PCDHGB3: variants seen among roughly 807,000 people sequenced by gnomAD.
PCDHGB3 encodes protocadherin gamma subfamily B, 3, also known as protocadherin gamma-B3.
A neutral mutation model predicts 59.2 loss-of-function variants in PCDHGB3; 40 were observed. That is an observed-to-expected ratio of 0.68 (90% CI 0.52 to 0.88). PCDHGB3 has a LOEUF of 0.88. Among genes scored for constraint, PCDHGB3 ranks in the 40% least tolerant of loss-of-function variants. PCDHGB3 has a pLI of 0.00. For synonymous variants in PCDHGB3, 581 were observed against 503.6 expected (o/e 1.15, Z -2.06); for missense variants, 1,309 against 1,187.9 (o/e 1.10, Z -1.50).
intron 2 of PCDHGB3, among the ~76,000 whole-genome samples, chr5:141,503,780 T>G (rs779791247): frequency 7.2e-5 from 11 of 152,124 alleles, no homozygotes; most frequent in Non-Finnish European, 1.3e-4. Flanking sequence ...GTTCTTAGGC[T>G]GAGTTCATCT....
intron 1 of PCDHGB3, chr5:141,421,405 C>T (rs2096570069): frequency 6.2e-7 from 1 of 1,614,074 alleles, no homozygotes; most frequent in African/African-American, 1.3e-5. Context: ...GCCCCGGGAG[C>T]TGGCGAAGCG....
intron 1 of PCDHGB3, chr5:141,427,965 C>T: frequency 6.3e-7 from 1 of 1,590,342 alleles, no homozygotes; most frequent in Non-Finnish European, 8.6e-7. Flanking sequence ...GCCGCGGGTG[C>T]TGTACCCCGC....
In PCDHGB3 at chr5:141,477,928, C is replaced by T; in HGVS notation, c.2416-16879C>T. On this transcript the variant is annotated intron_variant, in intron 1 of 3. Coordinates refer to ENST00000576222, the MANE Select transcript of PCDHGB3 (RefSeq NM_018924.5). This position sits in a 1 kb window ranked among gnomAD's most constrained non-coding sequence, Gnocchi z 4.9. ...GGGACGCGGATGCAGGGCACAATGC[C>T]TGGCTCTCCTACAGTCTCTTGGGAT... The T allele has an allele frequency of 6.2e-7, 1 of 1,614,186 alleles. No individual in the cohort carries two copies.
Position 141,511,165 on chromosome 5 carries a change from A to G in PCDHGB3, c.2782A>G (p.Lys928Glu). 1 of 1,614,096 alleles carries G rather than the reference A, an allele frequency of 6.2e-7. No homozygotes were observed. Among genetic ancestry groups the G allele is most frequent in the East Asian group, 2.2e-5 (1 of 44,870 alleles). ...CAAGAAGAAGTCGGGCAAGAAGGAGAAGAAGTAACATGGAGGCCAGGCCAA... is the reference window on the plus strand; with the variant it reads ...CAAGAAGAAGTCGGGCAAGAAGGAGGAGAAGTAACATGGAGGCCAGGCCAA... ...GNKKKSGKKE[K>E]K Residue 928 changes from lysine (K) to glutamate (E), a missense_variant, in exon 4 of 4, where the codon AAG (lysine) becomes GAG (glutamate). Physicochemically the swap from Lys to Glu is moderately conservative, Grantham distance 56. Transcript: ENST00000576222.
At chr5:141,400,684 G>GT (rs1422516327) in intron 1 of PCDHGB3, 1 of 834,872 alleles carries the variant, frequency 1.2e-6, no homozygotes, top group African/African-American at 1.7e-5. Flanking sequence ...TAAATTGTGA[G>GT]TTTTTATGTC....
In PCDHGB3 at chr5:141,476,258, G is replaced by A. The variant is rs1247889010; in HGVS notation, c.2416-18549G>A. 1 of 1,614,018 alleles carries A rather than the reference G, an allele frequency of 6.2e-7. No individual in the cohort carries two copies. Among genetic ancestry groups the A allele is most frequent in the South Asian group, 1.1e-5 (1 of 91,066 alleles). Reference sequence around the variant, plus strand: ...GGAAAGAGAGAAGGGTTTCGCTGTGGGCAACGTGGTCGCGAACCTTGGTTT... The same window carrying A: ...GGAAAGAGAGAAGGGTTTCGCTGTGAGCAACGTGGTCGCGAACCTTGGTTT... On this transcript the variant is annotated intron_variant, in intron 1 of 3. Coordinates refer to ENST00000576222, the MANE Select transcript of PCDHGB3 (RefSeq NM_018924.5). This position sits in a 1 kb window ranked among gnomAD's most constrained non-coding sequence, Gnocchi z 7.6.
At chr5:141,378,584 A>T (rs1775030344) in intron 1 of PCDHGB3, 1 of 152,240 alleles carries the variant, frequency 6.6e-6, no homozygotes, top group Admixed American at 6.5e-5. Flanking sequence ...CATGCTCGGT[A>T]GTGTCTGCTT....
At chr5:141,424,577 A>T (rs958508704) in intron 1 of PCDHGB3, 1 of 152,206 alleles carries the variant, frequency 6.6e-6, no homozygotes, top group Non-Finnish European at 1.5e-5. Context: ...ACCTATTTTC[A>T]AATGTGCTAA....
At chr5:141,434,265 GA>G (rs2097683598) in intron 1 of PCDHGB3, among the ~76,000 whole-genome samples, 1 of 152,186 alleles carries the variant, frequency 6.6e-6, no homozygotes, top group South Asian at 2.1e-4. Context: ...GGGGGAGGTG[GA>G]AATTAGAGGT....
At chr5:141,447,238 C>G (rs1028683423) in intron 1 of PCDHGB3, among the ~76,000 whole-genome samples, 2 of 152,148 alleles carry the variant, frequency 1.3e-5, no homozygotes, top group Non-Finnish European at 2.9e-5. Context: ...CTCCCGGGTT[C>G]AAGTGATTCT....
At chr5:141,422,984 G>T in intron 1 of PCDHGB3, 2 of 1,614,230 alleles carry the variant, frequency 1.2e-6, no homozygotes, top group Non-Finnish European at 1.7e-6. Flanking sequence ...GCGGAACCTG[G>T]CTACCTGGTG....
At position 141,371,456 on chromosome 5, in the gene PCDHGB3, A is replaced by T. The variant is rs755481962; in HGVS notation, c.1062A>T (p.Gln354His). The change falls in exon 1 of 4, where the codon CAA becomes CAT. Residue 354 changes from glutamine (Q) to histidine (H), a missense_variant. Physicochemically the swap from Gln to His is conservative, Grantham distance 24 (BLOSUM62 0). Transcript: ENST00000576222. ...AGATAACCCTGGCTTCTGAATCCCA[A>T]CATATACAAGAAGATGCTGAGCTGG... is the stretch of plus-strand genomic sequence containing the variant. ...APEITLASESQHIQEDAELGT... is the reference protein window; with the variant it reads ...APEITLASESHHIQEDAELGT... The T allele has an allele frequency of 1.2e-6, 2 of 1,613,902 alleles. No homozygotes were observed. The highest frequency in any genetic ancestry group is 2.7e-5 in the African/African-American group (2 of 74,942).
rs376734880 is a variant in PCDHGB3 at position 141,400,487 on chromosome 5, T to C, written c.2415+27678T>C. On this transcript the variant is annotated intron_variant, in intron 1 of 3. Coordinates refer to ENST00000576222, the MANE Select transcript of PCDHGB3 (RefSeq NM_018924.5). Reference sequence around the variant, plus strand: ...GATTCATCTGGGGCCTTATTTCCACTTTGTAATTCCAGCGAGTCGACTTCC... The same window carrying C: ...GATTCATCTGGGGCCTTATTTCCACCTTGTAATTCCAGCGAGTCGACTTCC... 4.8e-5 allele frequency: 78 copies of C among 1,613,958 alleles called. No individual in the cohort carries two copies. Among genetic ancestry groups the C allele is most frequent in the Non-Finnish European group, 6.6e-5 (78 of 1,179,896 alleles).
chr5:141,468,950 T>TG (rs752125489), intron 1 of PCDHGB3, among the ~76,000 whole-genome samples: 34 of 140,680 alleles, frequency 2.4e-4, no homozygotes, highest in African/African-American at 4.9e-4. Context: ...GGTAAACCTG[T>TG]GGTTTTTTTT....
Position 141,433,059 on chromosome 5 carries a change from A to G in PCDHGB3, c.2415+60250A>G, listed in dbSNP as rs745951077. 1.1e-5 allele frequency: 18 copies of G among 1,614,000 alleles called. No individual in the cohort carries two copies. In the East Asian group the frequency reaches 3.8e-4, roughly 34 times the overall value. On this transcript the variant is annotated intron_variant, in intron 1 of 3. Transcript: ENST00000576222. ...CTCACCACGGACTCGCGGAAGAGTC[A>G]CCTGATCTTCCCCCAGCCCAACTAT...
In PCDHGB3 at chr5:141,370,770, A is replaced by G. The variant is rs1479523551; in HGVS notation, c.376A>G (p.Ile126Val). Residue 126 changes from isoleucine (I) to valine (V), a missense_variant, in exon 1 of 4, where the codon ATT becomes GTT. By Grantham distance (29) the Ile-to-Val change is conservative. Coordinates refer to ENST00000576222, the MANE Select transcript of PCDHGB3 (RefSeq NM_018924.5). ...TCATGTAACTGTGCTGATCCAGGAT[A>G]TTAACGACAACCCACCGACCTTTAG... ...FFHVTVLIQD[I>V]NDNPPTFSQN... The G allele has an allele frequency of 6.2e-7, 1 of 1,614,024 alleles. No homozygotes were observed. The highest frequency in any genetic ancestry group is 1.1e-5 in the South Asian group (1 of 91,088).
chr5:141,442,798 A>G (rs1055527090), intron 1 of PCDHGB3, among the ~76,000 whole-genome samples: 1 of 152,256 alleles, frequency 6.6e-6, no homozygotes, highest in East Asian at 1.9e-4. Flanking sequence ...TTTTACTTTG[A>G]TATTCAAATT....
At chr5:141,376,425 A>G in intron 1 of PCDHGB3, 7 of 1,614,182 alleles carry the variant, frequency 4.3e-6, no homozygotes, top group Non-Finnish European at 4.2e-6. Context: ...ACGCTTATCA[A>G]CCAGGAGAGC....
chr5:141,473,186 T>C (rs984810414), intron 1 of PCDHGB3, among the ~76,000 whole-genome samples: 1 of 152,134 alleles, frequency 6.6e-6, no homozygotes, highest in African/African-American at 2.4e-5. Flanking sequence ...CTTGAAGGAG[T>C]AAATGTATCT....
Sources: gnomAD v4.1 joint callset for allele counts (sites outside exome capture counted in the v4.1 genomes callset) on GRCh38, gnomAD v4.1.1 for gene constraint, Gnocchi (gnomAD v3.1) non-coding constraint, MANE v1.5 for transcripts, NCBI Gene and HGNC (gene_info 2026-07-23, HGNC 2026-07-21) for gene names.